Variants in OLFM3 observed in about 807,000 individuals in gnomAD.
The protein encoded by OLFM3 is olfactomedin 3, also known as noelin-3.
OLFM3 carries 20 observed loss-of-function variants against 48.6 expected under a neutral mutation model. That is an observed-to-expected ratio of 0.41 (90% CI 0.29 to 0.60). The LOEUF is 0.60. OLFM3 is among the 20% of genes least tolerant of loss of function. The probability of loss-of-function intolerance (pLI) is 0.28; values close to 1 mark genes in which losing one functional copy is unlikely to be tolerated. For synonymous variants in OLFM3, 222 were observed against 198.1 expected (o/e 1.12, Z -1.01); for missense variants, 437 against 544.3 (o/e 0.80, Z 1.96).
chr1:101,976,251 C>T (rs992523224), intron 1 of OLFM3, among the ~76,000 whole-genome samples: 1 of 152,030 alleles, frequency 6.6e-6, no homozygotes, highest in African/African-American at 2.4e-5. Flanking sequence ...TTAAATTACT[C>T]CATTTTGTGT....
intron 1 of OLFM3, among the ~76,000 whole-genome samples, chr1:101,918,241 T>A (rs1658984664): frequency 1.3e-5 from 2 of 152,214 alleles, no homozygotes; most frequent in South Asian, 4.1e-4. Flanking sequence ...AATTCAGCAA[T>A]TGCCCTAATA....
chr1:101,840,376 G>A (rs1430676847), intron 1 of OLFM3, among the ~76,000 whole-genome samples: 1 of 152,088 alleles, frequency 6.6e-6, no homozygotes. Context: ...CTTGTTCAAA[G>A]TCATGCAGGG....
chr1:101,980,296 G>T (rs1038018609), intron 1 of OLFM3, among the ~76,000 whole-genome samples: 2 of 152,030 alleles, frequency 1.3e-5, no homozygotes, highest in Non-Finnish European at 2.9e-5. Flanking sequence ...ATTTGGGAGG[G>T]GCCGGGGTGG....
At chr1:101,910,711 G>C (rs1180457880) in intron 1 of OLFM3, among the ~76,000 whole-genome samples, 1 of 152,096 alleles carries the variant, frequency 6.6e-6, no homozygotes, top group Non-Finnish European at 1.5e-5. Context: ...ACGTCCTGAG[G>C]GGTTGGGATC....
At chr1:101,960,252 G>A (rs1362234124) in intron 1 of OLFM3, among the ~76,000 whole-genome samples, 1 of 152,126 alleles carries the variant, frequency 6.6e-6, no homozygotes. Context: ...AAGGCTGAAA[G>A]CAATTGAGTG....
At chr1:101,928,928 T>G (rs1311852075) in intron 1 of OLFM3, among the ~76,000 whole-genome samples, 3 of 152,142 alleles carry the variant, frequency 2.0e-5, no homozygotes, top group Non-Finnish European at 4.4e-5. Flanking sequence ...GTGGCTGTTT[T>G]GTTTTGCAAC....
intron 1 of OLFM3, among the ~76,000 whole-genome samples, chr1:101,976,876 A>G (rs975221087): frequency 1.3e-4 from 20 of 152,322 alleles, no homozygotes; most frequent in Non-Finnish European, 2.2e-4. Flanking sequence ...TAACACATAC[A>G]TTAATAGATG....
At chr1:101,855,695 C>T (rs147839554) in intron 1 of OLFM3, among the ~76,000 whole-genome samples, 7 of 152,166 alleles carry the variant, frequency 4.6e-5, no homozygotes, top group Non-Finnish European at 8.8e-5. Context: ...GCTTGGTCCC[C>T]CTGCTTTATT....
chr1:101,885,564 G>C (rs1257555586), intron 1 of OLFM3, among the ~76,000 whole-genome samples: 1 of 152,034 alleles, frequency 6.6e-6, no homozygotes, highest in African/African-American at 2.4e-5. Flanking sequence ...GAGACAGCAA[G>C]AACAGCCCCT....
intron 1 of OLFM3, among the ~76,000 whole-genome samples, chr1:101,875,152 T>C (rs775547476): frequency 2.0e-5 from 3 of 152,044 alleles, no homozygotes; most frequent in Non-Finnish European, 4.4e-5. Flanking sequence ...AATTTTAAAA[T>C]AGATAATCTC....
At chr1:101,853,616 A>AGATAAACG in intron 1 of OLFM3, among the ~76,000 whole-genome samples, 1 of 152,234 alleles carries the variant, frequency 6.6e-6, no homozygotes, top group South Asian at 2.1e-4. Context: ...AATATTTATG[A>AGATAAACG]GATAAATGGA....
chr1:101,992,771 T>C (rs1661450312), intron 1 of OLFM3, among the ~76,000 whole-genome samples: 1 of 152,178 alleles, frequency 6.6e-6, no homozygotes, highest in Admixed American at 6.5e-5. Flanking sequence ...GTATATTACA[T>C]TATGAAACAT....
At chr1:101,963,063 T>C (rs993686003) in intron 1 of OLFM3, among the ~76,000 whole-genome samples, 5 of 152,242 alleles carry the variant, frequency 3.3e-5, no homozygotes, top group African/African-American at 9.6e-5. Flanking sequence ...AGATGCACCA[T>C]GTGCAGAATG....
chr1:101,815,649 G>T (rs1654301580), intron 4 of OLFM3, among the ~76,000 whole-genome samples: 3 of 152,086 alleles, frequency 2.0e-5, no homozygotes, highest in Non-Finnish European at 2.9e-5. Context: ...TAGATTTTTG[G>T]CTTGTCCAGC....
At chr1:101,889,801 C>T (rs17431961) in intron 1 of OLFM3, among the ~76,000 whole-genome samples, 24,381 of 151,778 alleles carry the variant, frequency 0.16, 2,477 homozygotes, top group Middle Eastern at 0.24. Context: ...AAGATGGTTA[C>T]GTTTATTCTA....
chr1:101,955,743 C>A (rs1000102256), intron 1 of OLFM3, among the ~76,000 whole-genome samples: 1 of 151,942 alleles, frequency 6.6e-6, no homozygotes, highest in Non-Finnish European at 1.5e-5. Flanking sequence ...ATGGTTTCAA[C>A]TATCTGAAAT....
intron 1 of OLFM3, among the ~76,000 whole-genome samples, chr1:101,863,292 T>A (rs572444244): frequency 6.6e-6 from 1 of 152,184 alleles, no homozygotes; most frequent in Non-Finnish European, 1.5e-5. Flanking sequence ...CTTTTGATAT[T>A]GGATATTTCC....
intron 1 of OLFM3, among the ~76,000 whole-genome samples, chr1:101,942,178 C>A (rs1659815717): frequency 6.6e-6 from 1 of 152,106 alleles, no homozygotes; most frequent in Admixed American, 6.5e-5. Flanking sequence ...GTGGTAAACC[C>A]TCGCCCCAGA....
At chr1:101,842,763 G>T (rs1344196502) in intron 1 of OLFM3, among the ~76,000 whole-genome samples, 1 of 152,148 alleles carries the variant, frequency 6.6e-6, no homozygotes, top group Non-Finnish European at 1.5e-5. Context: ...AGAAAAGCAG[G>T]GGGCATGAGC....
Sources: allele counts gnomAD v4.1 joint callset (sites outside exome capture counted in the v4.1 genomes callset), GRCh38; gene constraint gnomAD v4.1.1; transcripts MANE v1.5; gene names NCBI Gene and HGNC (gene_info 2026-07-23, HGNC 2026-07-21).